The following SREBF1 variants were observed in gnomAD, a reference collection of about 807,000 sequenced individuals.
SREBF1 encodes sterol regulatory element-binding protein 1.
A neutral mutation model predicts 100.1 loss-of-function variants in SREBF1; 45 were observed. The ratio of observed to expected loss-of-function variants is 0.45; its 90% confidence interval spans 0.35 to 0.58. The LOEUF is 0.58. SREBF1 is among the 20% of genes least tolerant of loss of function. The pLI is 0.00. For missense variants in SREBF1, 1,324 were observed against 1,539.4 expected, an observed-to-expected ratio of 0.86 and a Z score of 2.34; for synonymous variants, 657 against 681.8, an observed-to-expected ratio of 0.96 and a Z score of 0.57.
chr17:17,812,859 C>T lies in SREBF1; in HGVS notation c.3215-8G>A. On this transcript the variant is annotated splice_region_variant and splice_polypyrimidine_tract_variant and intron_variant, in intron 18 of 18. Transcript: ENST00000261646. ...CCAGCTCCGCCACCGCGCCTGCGCACACGAGGATGTGTCAGGGATGGGTCT... is the reference window on the plus strand; with the variant it reads ...CCAGCTCCGCCACCGCGCCTGCGCATACGAGGATGTGTCAGGGATGGGTCT... 6.8e-7 allele frequency: 1 copy of T among 1,474,030 alleles called. No homozygotes were observed. 91.3% of individuals were successfully genotyped at this position (1,474,030 alleles called of 1,614,324 possible).
At chr17:17,832,331 G>A (rs1049974537) in intron 1 of SREBF1, among the ~76,000 whole-genome samples, 2 of 152,192 alleles carry the variant, frequency 1.3e-5, no homozygotes, top group East Asian at 1.9e-4. Context: ...TTCACATTAC[G>A]ATCCTCCATC....
At chr17:17,818,589 G>A in intron 5 of SREBF1, 1 of 596,710 alleles carries the variant, frequency 1.7e-6, no homozygotes, top group Non-Finnish European at 3.1e-6. Context: ...CAGACAGCAG[G>A]GTCTGGCTAG....
intron 1 of SREBF1, among the ~76,000 whole-genome samples, chr17:17,834,489 TA>T (rs1446065505): frequency 5.9e-5 from 9 of 152,230 alleles, no homozygotes; most frequent in African/African-American, 1.9e-4. Flanking sequence ...GAAGTTTGAA[TA>T]AAAACTGAAA....
At chr17:17,815,142 T>C (rs1055403462) in intron 13 of SREBF1, 79 bp downstream of exon 13, 9 of 1,423,720 alleles carry the variant, frequency 6.3e-6, no homozygotes, top group Non-Finnish European at 7.9e-6. Flanking sequence ...CTGGGCTCTC[T>C]CCACAGGGTT....
Position 17,824,611 on chromosome 17 carries a change from T to C in SREBF1, c.92-4090A>G, listed in dbSNP as rs2034364597. Among the ~76,000 whole-genome samples, 1 of 152,098 alleles carries C rather than the reference T, an allele frequency of 6.6e-6. No homozygotes were observed. The highest frequency in any genetic ancestry group is 2.1e-4 in the South Asian group (1 of 4,830). On this transcript the variant is annotated intron_variant, in intron 1 of 18. Transcript: ENST00000261646. This position sits in a 1 kb window ranked among gnomAD's most constrained non-coding sequence, Gnocchi z 4.2. Reference sequence around the variant, plus strand: ...GTTACACACACACACACACACAAAGTGATCAGAGCCTGGCCAGTTGATTTT... The same window carrying C: ...GTTACACACACACACACACACAAAGCGATCAGAGCCTGGCCAGTTGATTTT...
chr17:17,827,903 C>A (rs1598136017), intron 1 of SREBF1, among the ~76,000 whole-genome samples: 1 of 152,308 alleles, frequency 6.6e-6, no homozygotes, highest in East Asian at 1.9e-4. Context: ...GAGGACAACA[C>A]GAAGCTCTTT....
chr17:17,834,250 AC>A (rs1367084643), intron 1 of SREBF1, among the ~76,000 whole-genome samples: 1 of 152,010 alleles, frequency 6.6e-6, no homozygotes, highest in Admixed American at 6.6e-5. Flanking sequence ...TGTCACCCAC[AC>A]CCAGCTAATT....
rs756896447 is a variant in SREBF1 at position 17,815,256 on chromosome 17, C to T, written c.2457G>A (p.Gln819=). The change falls in exon 13 of 19, where the codon CAG becomes CAA. Residue 819 remains glutamine, a synonymous_variant. Coordinates refer to ENST00000261646, the MANE Select transcript of SREBF1 (RefSeq NM_004176.5). ...LLERALNCVT[Q]PNPSPGSADG... The stretch of plus-strand genomic sequence containing the variant: ...CAGCTGACCCAGGGCTGGGGTTGGG[C>T]TGGGTCACACAGTTCAGTGCTCGCT... The T allele has an allele frequency of 1.2e-6, 2 of 1,613,724 alleles. No individual in the cohort carries two copies. Among genetic ancestry groups the T allele is most frequent in the Admixed American group, 3.3e-5 (2 of 60,028 alleles).
At chr17:17,828,148 C>T (rs941911614) in intron 1 of SREBF1, among the ~76,000 whole-genome samples, 1 of 152,226 alleles carries the variant, frequency 6.6e-6, no homozygotes, top group African/African-American at 2.4e-5. Context: ...TCTGCCTCCA[C>T]CCCCATCCCC....
Position 17,821,152 on chromosome 17 carries a change from TACACAC to T in SREBF1, c.92-637_92-632del, listed in dbSNP as rs60948138. Reference sequence around the variant, plus strand: ...ACATCCACCTCTGAGTCCACACACATACACACACACACACACACACACATACACACT... The same window carrying T: ...ACATCCACCTCTGAGTCCACACACATACACACACACACACACATACACACT... On this transcript the variant is annotated intron_variant, in intron 1 of 18. Coordinates refer to ENST00000261646, the MANE Select transcript of SREBF1 (RefSeq NM_004176.5). Among the ~76,000 whole-genome samples the T allele has an allele frequency of 1.7e-4, 26 of 149,490 alleles. 2 individuals carry two copies. The South Asian group carries it at 5.3e-3, about 31-fold the overall frequency.
chr17:17,827,008 G>A (rs1032822259), intron 1 of SREBF1, among the ~76,000 whole-genome samples: 2 of 152,222 alleles, frequency 1.3e-5, no homozygotes. Flanking sequence ...AGGCACTGGG[G>A]CCATTATAGA....
At chr17:17,833,450 A>AAAAAAT (rs1567995797) in intron 1 of SREBF1, among the ~76,000 whole-genome samples, 4 of 47,512 alleles carry the variant, frequency 8.4e-5, no homozygotes, top group Non-Finnish European at 1.5e-4. Context: ...AAAAAAAAAA[A>AAAAAAT]ATATATATAT....
At chr17:17,815,112 G>T in intron 13 of SREBF1, 109 bp downstream of exon 13, 1 of 1,267,452 alleles carries the variant, frequency 7.9e-7, no homozygotes, top group Non-Finnish European at 1.1e-6. Flanking sequence ...AGCGTGCATG[G>T]CACGCACGGT....
rs141489278 is a variant in SREBF1, at chr17:17,815,278, C to T, written c.2435G>A (p.Arg812Gln). Residue 812 changes from arginine (R) to glutamine (Q), a missense_variant, in exon 13 of 19, where the codon CGA (arginine) becomes CAA (glutamine). Transcript: ENST00000261646. ...GGGCTGGGTCACACAGTTCAGTGCTCGCTCTAAGAGATGTTCCCGGAATAG... is the reference window on the plus strand; with the variant it reads ...GGGCTGGGTCACACAGTTCAGTGCTTGCTCTAAGAGATGTTCCCGGAATAG... ...TQLFREHLLERALNCVTQPNP... is the reference protein window; with the variant it reads ...TQLFREHLLEQALNCVTQPNP... 3.5e-3 allele frequency: 5,693 copies of T among 1,613,706 alleles called. 14 individuals carry two copies. Among genetic ancestry groups the T allele is most frequent in the Non-Finnish European group, 4.3e-3 (5,109 of 1,179,990 alleles).
Position 17,820,402 on chromosome 17 carries a change from T to C in SREBF1, c.211A>G (p.Ser71Gly). 6.2e-7 allele frequency: 1 copy of C among 1,612,668 alleles called. No homozygotes were observed. Among genetic ancestry groups the C allele is most frequent in the Non-Finnish European group, 8.5e-7 (1 of 1,178,920 alleles). ...PASPDTSSPG[S>G]LSPPPATLSS... The stretch of plus-strand genomic sequence containing the variant: ...AATGTGGCAGGAGGTGGAGACAAGC[T>C]GCCTGGGGAGCTGGTATCGGGGCTG... The change falls in exon 2 of 19, where the codon AGC becomes GGC. Residue 71 changes from serine to glycine, a missense_variant. Coordinates refer to ENST00000261646, the MANE Select transcript of SREBF1 (RefSeq NM_004176.5).
intron 1 of SREBF1, chr17:17,823,443 C>T: frequency 8.6e-7 from 1 of 1,166,416 alleles, no homozygotes; most frequent in Non-Finnish European, 1.3e-6. Flanking sequence ...AGCCCGCATG[C>T]CCGCCCACCC....
Position 17,812,768 on chromosome 17 carries a change from C to T in SREBF1, c.3298G>A (p.Gly1100Ser), listed in dbSNP as rs1480871634. The T allele has an allele frequency of 3.3e-6, 5 of 1,534,362 alleles. No homozygotes were observed. Among genetic ancestry groups the T allele is most frequent in the Non-Finnish European group, 4.4e-6 (5 of 1,140,440 alleles). The change falls in exon 19 of 19, where the codon GGC becomes AGC. Residue 1100 changes from glycine to serine, a missense_variant. Gly to Ser is a moderately conservative substitution (Grantham distance 56). Coordinates refer to ENST00000261646, the MANE Select transcript of SREBF1 (RefSeq NM_004176.5). ...LLLASCYLPPGFLSAPGQRVG... is the reference protein window; with the variant it reads ...LLLASCYLPPSFLSAPGQRVG... ...CGCTGCCCGGGCGCCGACAGGAAGC[C>T]GGGGGGCAGGTAGCAGGAGGCCAGC...
intron 1 of SREBF1, among the ~76,000 whole-genome samples, chr17:17,822,576 A>G (rs1417041693): frequency 6.6e-6 from 1 of 152,168 alleles, no homozygotes; most frequent in East Asian, 1.9e-4. Flanking sequence ...AGGGCCCTCT[A>G]ACCCACTCGT....
intron 15 of SREBF1, 101 bp from the exon 16 acceptor site, chr17:17,814,511 G>A (rs2033327116): frequency 6.5e-7 from 1 of 1,535,668 alleles, no homozygotes; most frequent in African/African-American, 1.4e-5. Context: ...GAAAAAAGGT[G>A]GTGACTCCTC....
Sources: gnomAD v4.1 joint callset for allele counts (sites outside exome capture counted in the v4.1 genomes callset) on GRCh38, gnomAD v4.1.1 for gene constraint, Gnocchi (gnomAD v3.1) non-coding constraint, MANE v1.5 for transcripts, NCBI Gene and HGNC (gene_info 2026-07-23, HGNC 2026-07-21) for gene names.